Variants in RIMBP2 observed in about 807,000 individuals in gnomAD.
RIMBP2 encodes RIMS binding protein 2, also known as RIMS-binding protein 2.
RIMBP2 carries 48 observed loss-of-function variants against 118.6 expected under a neutral mutation model. The ratio of observed to expected loss-of-function variants is 0.40; its 90% confidence interval spans 0.32 to 0.51. The LOEUF (loss-of-function observed/expected upper bound fraction) is 0.51. Among genes scored for constraint, RIMBP2 ranks in the 20% least tolerant of loss-of-function variants. RIMBP2 has a pLI of 0.41. For missense variants in RIMBP2, 1,551 were observed against 1,768.3 expected (o/e 0.88, Z 2.20); for synonymous variants, 762 against 742.9 (o/e 1.03, Z -0.42).
intron 12 of RIMBP2, 31 bp downstream of exon 12, chr12:130,438,334 A>ATCGGGGCGGGGCCCCCCC: frequency 7.4e-7 from 1 of 1,344,518 alleles, no homozygotes; most frequent in Non-Finnish European, 1.1e-6. Flanking sequence ...GGGCCTAACA[A>ATCGGGGCGGGGCCCCCCC]ACCCTCCCCA....
In RIMBP2 at chr12:130,424,298, GGGCTGGGGGTCGTCGT is replaced by G. The variant is rs1356570177; in HGVS notation, c.2957_2972del (p.Asn986ThrfsTer30). 8.1e-7 allele frequency: 1 copy of G among 1,231,456 alleles called. No individual in the cohort carries two copies. The highest frequency in any genetic ancestry group is 1.0e-6 in the Non-Finnish European group (1 of 987,806). 76.3% of individuals were successfully genotyped at this position (1,231,456 alleles called of 1,614,324 possible). On this transcript the variant is annotated frameshift_variant, in exon 16 of 23. Coordinates refer to ENST00000690449, the MANE Select transcript of RIMBP2 (RefSeq NM_001393629.1). LOFTEE classifies it high-confidence loss of function. The surrounding 1 kb of genome is among the most constrained non-coding windows in gnomAD (Gnocchi z 9.8). ...TCCTGGGGGGCGGCCTCTCCGGGCC[GGGCTGGGGGTCGTCGT>G]TCCTGAGGAGGCCACCAGGGCCCAC... is the stretch of plus-strand genomic sequence containing the variant.
chr12:130,469,404 G>T lies in RIMBP2; in HGVS notation c.153+1289C>A, dbSNP rs1040803882. Among the ~76,000 whole-genome samples the T allele has an allele frequency of 6.6e-6, 1 of 151,250 alleles. No individual in the cohort carries two copies. The highest frequency in any genetic ancestry group is 1.5e-5 in the Non-Finnish European group (1 of 68,032). On this transcript the variant is annotated intron_variant, in intron 6 of 22. Coordinates refer to ENST00000690449, the MANE Select transcript of RIMBP2 (RefSeq NM_001393629.1). This position sits in a 1 kb window ranked among gnomAD's most constrained non-coding sequence, Gnocchi z 4.8. ...ACACAGGGTCATGTCAATGGGCTCC[G>T]GGGCAACTGGGGAGAGGCAACTACC...
rs555896186 is a variant in RIMBP2 at position 130,653,491 on chromosome 12, T to C, written c.-351-25035A>G. Among the ~76,000 whole-genome samples the C allele has an allele frequency of 3.3e-5, 5 of 152,348 alleles. No individual in the cohort carries two copies. In the East Asian group the frequency reaches 9.7e-4, roughly 29 times the overall value. On this transcript the variant is annotated intron_variant, in intron 1 of 22. Transcript: ENST00000690449. ...CTCACAGGTTAGAGTTAAGTGCCTG[T>C]GGCTTTTCCAGGCTCAGAATGCAAG...
intron 1 of RIMBP2, among the ~76,000 whole-genome samples, chr12:130,694,729 G>A (rs947706949): frequency 6.6e-6 from 1 of 152,208 alleles, no homozygotes. Context: ...ACAGGAGGTA[G>A]CAGACACTGA....
At chr12:130,609,472 G>A (rs542500983) in intron 2 of RIMBP2, among the ~76,000 whole-genome samples, 1 of 132,780 alleles carries the variant, frequency 7.5e-6, no homozygotes, top group Admixed American at 7.2e-5. Flanking sequence ...TGAGCCACCT[G>A]GGGGACCTTC....
intron 12 of RIMBP2, among the ~76,000 whole-genome samples, chr12:130,437,541 C>A (rs1267320507): frequency 6.6e-6 from 1 of 152,194 alleles, no homozygotes; most frequent in Non-Finnish European, 1.5e-5. Context: ...TGACGTCAAC[C>A]ATTTATCTCC....
intron 13 of RIMBP2, among the ~76,000 whole-genome samples, 191 bp downstream of exon 13, chr12:130,436,651 A>T (rs1442193714): frequency 2.0e-5 from 3 of 152,214 alleles, no homozygotes. Flanking sequence ...ATTAGCAAAT[A>T]AAAAACACCA....
intron 2 of RIMBP2, among the ~76,000 whole-genome samples, chr12:130,603,217 C>A (rs2059970237): frequency 6.6e-6 from 1 of 152,174 alleles, no homozygotes; most frequent in African/African-American, 2.4e-5. Flanking sequence ...ACCAATCTGA[C>A]TATACCAAGT....
chr12:130,520,672 C>CAAAA (rs1162018669), intron 2 of RIMBP2, among the ~76,000 whole-genome samples: 10 of 68,802 alleles, frequency 1.5e-4, no homozygotes, highest in Admixed American at 3.8e-4. Flanking sequence ...AACTCCATCT[C>CAAAA]AAAAAAAAAA....
At chr12:130,484,827 G>A (rs966244767) in intron 4 of RIMBP2, among the ~76,000 whole-genome samples, 1 of 152,232 alleles carries the variant, frequency 6.6e-6, no homozygotes, top group African/African-American at 2.4e-5. Flanking sequence ...TCAAATCCCA[G>A]CTCTGATACT....
intron 17 of RIMBP2, among the ~76,000 whole-genome samples, chr12:130,421,674 G>T (rs1936184748): frequency 7.7e-6 from 1 of 130,306 alleles, no homozygotes; most frequent in South Asian, 2.3e-4. Flanking sequence ...TGTATCAAGA[G>T]TTCTCCCTGC....
intron 11 of RIMBP2, among the ~76,000 whole-genome samples, chr12:130,441,480 G>A (rs2078135660): frequency 6.6e-6 from 1 of 151,222 alleles, no homozygotes; most frequent in Non-Finnish European, 1.5e-5. Context: ...GAATGATTCT[G>A]AAAGGCACGT....
chr12:130,617,170 C>T lies in RIMBP2; in HGVS notation c.-217+11152G>A, dbSNP rs565331198. On this transcript the variant is annotated intron_variant, in intron 2 of 22. Transcript: ENST00000690449. The surrounding 1 kb of genome is among the most constrained non-coding windows in gnomAD (Gnocchi z 4.6). ...CTGTGTTTCATTGTCACCAACGATC[C>T]CCCACCCCCGACCCCCGCCCCGAGT... 6.6e-6 allele frequency among the ~76,000 whole-genome samples: 1 copy of T among 152,058 alleles called. No homozygotes were observed. Among genetic ancestry groups the T allele is most frequent in the East Asian group, 1.9e-4 (1 of 5,156 alleles).
chr12:130,460,141 C>G (rs899089206), intron 6 of RIMBP2, among the ~76,000 whole-genome samples: 10 of 152,186 alleles, frequency 6.6e-5, no homozygotes, highest in African/African-American at 2.4e-4. Context: ...AACCCTGAGA[C>G]CCCTGCACAG....
At chr12:130,477,215 G>A (rs375877825) in intron 5 of RIMBP2, among the ~76,000 whole-genome samples, 7 of 152,158 alleles carry the variant, frequency 4.6e-5, no homozygotes, top group Non-Finnish European at 8.8e-5. Context: ...TCGTGGACGC[G>A]GAATAACAGA....
rs897158681 is a variant in RIMBP2, at chr12:130,523,699, T to G, written c.-216-5782A>C. Among the ~76,000 whole-genome samples the G allele has an allele frequency of 6.6e-6, 1 of 152,238 alleles. No individual in the cohort carries two copies. Among genetic ancestry groups the G allele is most frequent in the Non-Finnish European group, 1.5e-5 (1 of 68,044 alleles). On this transcript the variant is annotated intron_variant, in intron 2 of 22. Transcript: ENST00000690449. The surrounding 1 kb of genome is among the most constrained non-coding windows in gnomAD (Gnocchi z 4.4). ...ATCCCTCCACCACCACCACTGAGTG[T>G]GTATGTGTCAGTACCGGGCTCAGCA... is the stretch of plus-strand genomic sequence containing the variant.
intron 1 of RIMBP2, among the ~76,000 whole-genome samples, chr12:130,690,727 G>T (rs571302116): frequency 1.3e-5 from 2 of 152,116 alleles, no homozygotes; most frequent in African/African-American, 4.8e-5. Context: ...TCCAAACACC[G>T]AGGAAAATGA....
rs77064143 is a variant in RIMBP2, at chr12:130,628,999, C to T, written c.-351-543G>A. On this transcript the variant is annotated intron_variant, in intron 1 of 22. Transcript: ENST00000690449. Reference sequence around the variant, plus strand: ...ATAGTAAACTCTTAAAGAATTCCCACCTTGGCCATCAAATATTCAAAAACA... The same window carrying T: ...ATAGTAAACTCTTAAAGAATTCCCATCTTGGCCATCAAATATTCAAAAACA... Among the ~76,000 whole-genome samples the T allele has an allele frequency of 9.3e-3, 1,422 of 152,306 alleles. 16 individuals carry two copies. The highest frequency in any genetic ancestry group is 0.033 in the African/African-American group (1,352 of 41,564).
intron 1 of RIMBP2, among the ~76,000 whole-genome samples, chr12:130,692,844 GATGGGA>G (rs1194613617): frequency 1.4e-5 from 2 of 139,236 alleles, no homozygotes; most frequent in Non-Finnish European, 3.1e-5. Flanking sequence ...GATGGGATGG[GATGGGA>G]TAGGGTAGGG....
Sources: gnomAD v4.1 joint callset for allele counts (sites outside exome capture counted in the v4.1 genomes callset) on GRCh38, gnomAD v4.1.1 for gene constraint, Gnocchi (gnomAD v3.1) non-coding constraint, MANE v1.5 for transcripts, NCBI Gene and HGNC (gene_info 2026-07-23, HGNC 2026-07-21) for gene names.